Variants in KTN1 observed in about 807,000 individuals in gnomAD.
KTN1 encodes kinectin 1.
In KTN1, 130 loss-of-function variants were observed where a neutral mutation model predicts 222.5. The ratio of observed to expected loss-of-function variants is 0.58; its 90% confidence interval spans 0.51 to 0.68. KTN1 has a LOEUF of 0.68. Among genes scored for constraint, KTN1 ranks in the 30% least tolerant of loss-of-function variants. The probability of loss-of-function intolerance (pLI) is 0.00; values close to 1 mark genes in which losing one functional copy is unlikely to be tolerated. For synonymous variants in KTN1, 512 were observed against 496.3 expected (o/e 1.03, Z -0.42); for missense variants, 1,508 against 1,500.4 (o/e 1.01, Z -0.08).
chr14:55,647,320 C>A (rs546709561), intron 19 of KTN1, among the ~76,000 whole-genome samples: 1 of 152,040 alleles, frequency 6.6e-6, no homozygotes, highest in Admixed American at 6.5e-5. Flanking sequence ...AAGAGTTGAT[C>A]CATTTAAAAT....
At chr14:55,600,721 ATGT>A (rs748497599) in intron 1 of KTN1, among the ~76,000 whole-genome samples, 14 of 151,694 alleles carry the variant, frequency 9.2e-5, no homozygotes, top group Admixed American at 2.6e-4. Flanking sequence ...TATGAATTTC[ATGT>A]TGTAGTGTTA....
At chr14:55,583,809 T>A (rs745651168) in intron 1 of KTN1, among the ~76,000 whole-genome samples, 6 of 152,204 alleles carry the variant, frequency 3.9e-5, no homozygotes, top group Non-Finnish European at 8.8e-5. Flanking sequence ...CCAACTAAAT[T>A]TCCGTATTTT....
chr14:55,676,065 G>A (rs1016556902), intron 41 of KTN1, 147 bp downstream of exon 41: 6 of 543,040 alleles, frequency 1.1e-5, no homozygotes, highest in Non-Finnish European at 1.9e-5. Flanking sequence ...TTATTAGTTA[G>A]TATTTTGGAA....
chr14:55,638,385 C>T lies in KTN1; in HGVS notation c.1785+538C>T, dbSNP rs185916188. ...TCTTTATAAATAATATAAAGAAAAT[C>T]AAATAAAAACAAGTATTGTGAATTT... On this transcript the variant is annotated intron_variant, in intron 12 of 43. Coordinates refer to ENST00000395314, the MANE Select transcript of KTN1 (RefSeq NM_001079521.2). Among the ~76,000 whole-genome samples the T allele has an allele frequency of 6.1e-4, 92 of 151,884 alleles. 1 individual carries two copies. Among genetic ancestry groups the T allele is most frequent in the African/African-American group, 2.1e-3 (87 of 41,488 alleles).
At chr14:55,680,936 C>G in intron 43 of KTN1, 2 of 359,326 alleles carry the variant, frequency 5.6e-6, no homozygotes, top group South Asian at 2.2e-5. Context: ...AGGGAAACTT[C>G]CATCGCTTCT....
rs201831734 is a variant in KTN1, at chr14:55,653,637, G to A, written c.2801+41G>A. The A allele has an allele frequency of 4.5e-5, 66 of 1,472,244 alleles. 1 individual carries two copies. The highest frequency in any genetic ancestry group is 1.1e-4 in the African/African-American group (8 of 71,990). The allele number at this position is 1,472,244 out of a possible 1,614,324, so 91.2% of individuals were successfully genotyped here. A position where few individuals can be genotyped will look rare whatever the true frequency, so the allele number is the denominator to read the frequency against. On this transcript the variant is annotated intron_variant, in intron 28 of 43. Transcript: ENST00000395314. The stretch of plus-strand genomic sequence containing the variant: ...GACCACATTTTGAAGAGAAACAAAC[G>A]TCTCATTATTTTCCAGGGTGTGCTT...
chr14:55,616,378 A>G (rs2038392785), intron 2 of KTN1, 139 bp from the exon 3 acceptor site: 1 of 684,510 alleles, frequency 1.5e-6, no homozygotes, highest in Non-Finnish European at 2.4e-6. Context: ...AAAGCTAGAA[A>G]AAGTTATTGG....
chr14:55,599,435 GT>G (rs1442292369), intron 1 of KTN1, among the ~76,000 whole-genome samples: 3 of 151,932 alleles, frequency 2.0e-5, no homozygotes, highest in African/African-American at 7.3e-5. Flanking sequence ...TTTTTCCTGA[GT>G]CCCAGGGCTT....
At chr14:55,580,401 C>G (rs2031070794) in intron 1 of KTN1, 47 bp downstream of exon 1, 2 of 146,290 alleles carry the variant, frequency 1.4e-5, no homozygotes, top group South Asian at 3.9e-4. Context: ...CGGCGGGGAG[C>G]GCGGGGGGAG....
At chr14:55,663,613 G>T (rs1308150088) in intron 32 of KTN1, 1 of 203,622 alleles carries the variant, frequency 4.9e-6, no homozygotes, top group Non-Finnish European at 9.9e-6. Context: ...TATTTGCTCT[G>T]TCTTTAATCT....
intron 8 of KTN1, 97 bp downstream of exon 8, chr14:55,633,438 T>C (rs1450589178): frequency 2.0e-5 from 14 of 692,422 alleles, no homozygotes; most frequent in Non-Finnish European, 2.7e-5. Flanking sequence ...GGTTAGACTT[T>C]TGTGTTTTTA....
chr14:55,670,172 A>G (rs1364551507), intron 34 of KTN1, among the ~76,000 whole-genome samples: 1 of 152,016 alleles, frequency 6.6e-6, no homozygotes, highest in Non-Finnish European at 1.5e-5. Context: ...TCTCATTAGG[A>G]TTTTTAAAAT....
chr14:55,677,728 T>C (rs985112841), intron 41 of KTN1, among the ~76,000 whole-genome samples: 6 of 152,166 alleles, frequency 3.9e-5, no homozygotes, highest in South Asian at 2.1e-4. Flanking sequence ...GATGGAGTTT[T>C]GCTCTTATTG....
At chr14:55,647,804 C>T (rs1347448527) in intron 19 of KTN1, among the ~76,000 whole-genome samples, 2 of 151,208 alleles carry the variant, frequency 1.3e-5, no homozygotes, top group African/African-American at 4.9e-5. Flanking sequence ...ATTAGCCAGG[C>T]GTGGTGGCGG....
chr14:55,632,697 T>C lies in KTN1; in HGVS notation c.1222-538T>C, dbSNP rs1021375806. Among the ~76,000 whole-genome samples the C allele has an allele frequency of 2.6e-5, 4 of 152,200 alleles. No homozygotes were observed. In the East Asian group the frequency reaches 5.8e-4, roughly 22 times the overall value. On this transcript the variant is annotated intron_variant, in intron 7 of 43. Transcript: ENST00000395314. ...GGTTAGAATGGTACGTTTTATGTTA[T>C]ATGTATTTTATAATGTAAAAACTTG...
chr14:55,656,018 G>A (rs1281761109), intron 28 of KTN1, 24 bp from the exon 29 acceptor site: 6 of 1,426,976 alleles, frequency 4.2e-6, no homozygotes, highest in Non-Finnish European at 5.9e-6. Context: ...TTTAGTTAAT[G>A]CAGATCTTTG....
intron 1 of KTN1, among the ~76,000 whole-genome samples, chr14:55,611,534 A>G (rs925098791): frequency 6.6e-6 from 1 of 152,092 alleles, no homozygotes; most frequent in Non-Finnish European, 1.5e-5. Context: ...GCAGTTGGTG[A>G]CTGGTCTTAA....
intron 18 of KTN1, among the ~76,000 whole-genome samples, chr14:55,642,212 A>C (rs1366231553): frequency 9.2e-5 from 14 of 152,196 alleles, no homozygotes; most frequent in Admixed American, 9.2e-4. Flanking sequence ...TATTATATTT[A>C]CACCATAAAG....
At chr14:55,648,549 G>A (rs989578276) in intron 20 of KTN1, among the ~76,000 whole-genome samples, 11 of 152,196 alleles carry the variant, frequency 7.2e-5, no homozygotes, top group Non-Finnish European at 1.0e-4. Context: ...GTTGTATACT[G>A]TATATTTTTG....
Sources: allele counts gnomAD v4.1 joint callset (sites outside exome capture counted in the v4.1 genomes callset), GRCh38; gene constraint gnomAD v4.1.1; transcripts MANE v1.5; gene names NCBI Gene and HGNC (gene_info 2026-07-23, HGNC 2026-07-21).